Variants in PRKACB observed in about 807,000 individuals in gnomAD.
PRKACB encodes cAMP-dependent protein kinase catalytic subunit beta.
PRKACB carries 16 observed loss-of-function variants against 51.4 expected under a neutral mutation model. The observed-to-expected ratio is 0.31, with a 90% CI of 0.21 to 0.47. The LOEUF (loss-of-function observed/expected upper bound fraction) is 0.47. PRKACB is among the 20% of genes least tolerant of loss of function. The pLI, the probability that PRKACB is intolerant of heterozygous loss-of-function variation, is 1.00. For missense variants in PRKACB, 309 were observed against 464.5 expected (o/e 0.67, Z 3.08); for synonymous variants, 147 against 154.4 (o/e 0.95, Z 0.35).
chr1:84,202,528 A>G (rs1558261264), intron 7 of PRKACB, among the ~76,000 whole-genome samples, 155 bp from the exon 8 acceptor site: 1 of 152,064 alleles, frequency 6.6e-6, no homozygotes, highest in African/African-American at 2.4e-5. Flanking sequence ...GACCTGATAC[A>G]TTTGGTTCAT....
chr1:84,122,104 G>C (rs527559431), intron 1 of PRKACB, among the ~76,000 whole-genome samples: 20 of 152,032 alleles, frequency 1.3e-4, no homozygotes, highest in Non-Finnish European at 2.5e-4. Flanking sequence ...AGGTAAGGGT[G>C]ACCTCCTGCC....
At chr1:84,125,571 C>G (rs1158122263) in intron 1 of PRKACB, among the ~76,000 whole-genome samples, 1 of 152,088 alleles carries the variant, frequency 6.6e-6, no homozygotes, top group Admixed American at 6.5e-5. Context: ...AGAAATCCAT[C>G]GGGAGTTTAG....
At chr1:84,174,478 A>G (rs1193468367) in intron 1 of PRKACB, among the ~76,000 whole-genome samples, 4 of 151,786 alleles carry the variant, frequency 2.6e-5, no homozygotes, top group Admixed American at 2.0e-4. Flanking sequence ...CATTTCCTTA[A>G]CAGTGGAAAT....
At chr1:84,204,858 T>A (rs922937683) in intron 8 of PRKACB, 1 of 984,624 alleles carries the variant, frequency 1.0e-6, no homozygotes, top group African/African-American at 1.7e-5. Context: ...TCTTCATTTT[T>A]ATGCATTGGC....
At chr1:84,216,493 A>C (rs1006370616) in intron 9 of PRKACB, among the ~76,000 whole-genome samples, 1 of 152,218 alleles carries the variant, frequency 6.6e-6, no homozygotes, top group South Asian at 2.1e-4. Context: ...AAGTTCATGA[A>C]TCATGGCTGT....
At chr1:84,194,777 A>G (rs1194049768) in intron 5 of PRKACB, among the ~76,000 whole-genome samples, 1 of 152,052 alleles carries the variant, frequency 6.6e-6, no homozygotes, top group African/African-American at 2.4e-5. Context: ...ACACACATAC[A>G]AATACAAAAA....
Position 84,107,487 on chromosome 1 carries a change from G to A in PRKACB, c.46+29116G>A, listed in dbSNP as rs143263885. Among the ~76,000 whole-genome samples the A allele has an allele frequency of 2.6e-3, 402 of 152,078 alleles. 2 individuals carry two copies. Among genetic ancestry groups the A allele is most frequent in the African/African-American group, 8.8e-3 (366 of 41,504 alleles). ...CAACAATAGCAAAAGTTGACAGATGGGACCTGTTTAAAGAGCTTTTGCATA... is the reference window on the plus strand; with the variant it reads ...CAACAATAGCAAAAGTTGACAGATGAGACCTGTTTAAAGAGCTTTTGCATA... On this transcript the variant is annotated intron_variant, in intron 1 of 8. Transcript: ENST00000370688.
chr1:84,111,934 A>G (rs1261470981), intron 1 of PRKACB, among the ~76,000 whole-genome samples: 2 of 152,124 alleles, frequency 1.3e-5, no homozygotes, highest in Non-Finnish European at 2.9e-5. Flanking sequence ...TAAGATTGGG[A>G]AAATAGCATC....
At chr1:84,133,717 T>C (rs563948268) in intron 1 of PRKACB, among the ~76,000 whole-genome samples, 1 of 152,126 alleles carries the variant, frequency 6.6e-6, no homozygotes, top group Non-Finnish European at 1.5e-5. Flanking sequence ...CCAAGACGAG[T>C]GCTTCTGGGC....
chr1:84,106,802 T>C (rs1050774010), intron 1 of PRKACB, among the ~76,000 whole-genome samples: 2 of 152,114 alleles, frequency 1.3e-5, no homozygotes, highest in African/African-American at 2.4e-5. Flanking sequence ...GCCAAGGCAA[T>C]CCTAAGCAAA....
intron 1 of PRKACB, among the ~76,000 whole-genome samples, chr1:84,148,247 G>A (rs1200963793): frequency 6.6e-6 from 1 of 151,994 alleles, no homozygotes; most frequent in Non-Finnish European, 1.5e-5. Context: ...TATCATCTCT[G>A]TAACAAAACC....
In PRKACB at chr1:84,225,523, G is replaced by A. The variant is rs543798309; in HGVS notation, c.1072-9657G>A. Among the ~76,000 whole-genome samples, 6 of 152,274 alleles carry A rather than the reference G, an allele frequency of 3.9e-5. No homozygotes were observed. The South Asian group carries it at 6.2e-4, about 16-fold the overall frequency. On this transcript the variant is annotated intron_variant, in intron 9 of 9. Coordinates refer to ENST00000370685, the MANE Select transcript of PRKACB (RefSeq NM_182948.4). The stretch of plus-strand genomic sequence containing the variant: ...CTGGAACCCCTTTGATAGACATGGG[G>A]CACTGTCAGTTGGGCTCCAGGTGTA...
chr1:84,114,125 GGAAACAGAAA>G (rs2100856144), intron 1 of PRKACB, among the ~76,000 whole-genome samples: 1 of 152,022 alleles, frequency 6.6e-6, no homozygotes, highest in African/African-American at 2.4e-5. Context: ...GAAACAAAAT[GGAAACAGAAA>G]GAAACAGACA....
chr1:84,205,451 T>G, intron 8 of PRKACB: 1 of 167,552 alleles, frequency 6.0e-6, no homozygotes, highest in Non-Finnish European at 1.2e-5. Context: ...TTGTGGATCC[T>G]TATATTTATA....
At chr1:84,164,650 A>T in intron 1 of PRKACB, 1 of 1,394,680 alleles carries the variant, frequency 7.2e-7, no homozygotes, top group Non-Finnish European at 9.3e-7. Context: ...ATGCTGATAT[A>T]ATTGAGAACA....
chr1:84,212,914 G>A (rs1672341536), intron 8 of PRKACB, among the ~76,000 whole-genome samples: 1 of 152,114 alleles, frequency 6.6e-6, no homozygotes, highest in Non-Finnish European at 1.5e-5. Context: ...GGGGGAGACA[G>A]AAATATGCAC....
At chr1:84,170,285 T>C (rs1426546455) in intron 1 of PRKACB, among the ~76,000 whole-genome samples, 2 of 151,662 alleles carry the variant, frequency 1.3e-5, no homozygotes, top group Admixed American at 6.6e-5. Context: ...GCAAGGATCA[T>C]AACCTCAGTG....
chr1:84,138,031 C>G (rs1653001368), intron 1 of PRKACB, among the ~76,000 whole-genome samples: 1 of 152,126 alleles, frequency 6.6e-6, no homozygotes, highest in South Asian at 2.1e-4. Flanking sequence ...GGCCTAGAAG[C>G]AACAACACCC....
At chr1:84,220,647 A>G (rs1416509425) in intron 9 of PRKACB, among the ~76,000 whole-genome samples, 2 of 152,094 alleles carry the variant, frequency 1.3e-5, no homozygotes. Context: ...TTTTGTCAGG[A>G]GGGGATGTTG....
Sources: gnomAD v4.1 joint callset for allele counts (sites outside exome capture counted in the v4.1 genomes callset) on GRCh38, gnomAD v4.1.1 for gene constraint, MANE v1.5 for transcripts, NCBI Gene and HGNC (gene_info 2026-07-23, HGNC 2026-07-21) for gene names.